Variants in CADPS2 observed in about 807,000 individuals in gnomAD.
The protein encoded by CADPS2 is calcium-dependent secretion activator 2.
A neutral mutation model predicts 172.5 loss-of-function variants in CADPS2; 93 were observed. That is an observed-to-expected ratio of 0.54 (90% CI 0.46 to 0.64). CADPS2 has a LOEUF of 0.64. CADPS2 is among the 30% of genes least tolerant of loss of function. The pLI, the probability that CADPS2 is intolerant of heterozygous loss-of-function variation, is 0.00. For missense variants in CADPS2, 1,420 were observed against 1,565.9 expected (o/e 0.91, Z 1.57); for synonymous variants, 546 against 555.2 (o/e 0.98, Z 0.23).
chr7:122,537,894 GA>G (rs1414968126), intron 8 of CADPS2, among the ~76,000 whole-genome samples: 2 of 151,404 alleles, frequency 1.3e-5, no homozygotes, highest in Non-Finnish European at 3.0e-5. Flanking sequence ...AAAAACGCAA[GA>G]GAAGATTTTA....
intron 19 of CADPS2, chr7:122,413,113 T>G (rs1251592372): frequency 6.6e-6 from 1 of 152,422 alleles, no homozygotes; most frequent in Non-Finnish European, 1.5e-5. Context: ...GGGTCTGTTT[T>G]CTTATCAGCA....
In CADPS2 at chr7:122,434,342, A is replaced by G. The variant is rs1481068397; in HGVS notation, c.2476+3999T>C. Among the ~76,000 whole-genome samples, 5 of 151,068 alleles carry G rather than the reference A, an allele frequency of 3.3e-5. No individual in the cohort carries two copies. In the East Asian group the frequency reaches 5.8e-4, roughly 18 times the overall value. On this transcript the variant is annotated intron_variant, in intron 17 of 29. Coordinates refer to ENST00000449022, the MANE Select transcript of CADPS2 (RefSeq NM_017954.11). ...GTCAAATATTGAAAAAGGTAGGGGA[A>G]AAAAAAAAGAAAGAAATAGAGCCCT...
At chr7:122,572,692 T>C (rs993416098) in intron 7 of CADPS2, among the ~76,000 whole-genome samples, 2 of 152,134 alleles carry the variant, frequency 1.3e-5, no homozygotes, top group African/African-American at 2.4e-5. Flanking sequence ...GATTTTTATA[T>C]GGCTATGTTA....
chr7:122,663,719 G>C, intron 2 of CADPS2, 150 bp from the exon 3 acceptor site: 1 of 660,828 alleles, frequency 1.5e-6, no homozygotes, highest in Non-Finnish European at 2.5e-6. Context: ...ATAATACATG[G>C]TAACTAATGT....
At chr7:122,366,615 A>G (rs1364110958) in intron 25 of CADPS2, among the ~76,000 whole-genome samples, 1 of 47,708 alleles carries the variant, frequency 2.1e-5, no homozygotes, top group East Asian at 9.0e-4. Context: ...AAAAATACAC[A>G]CACACACACA....
chr7:122,341,744 G>T (rs2150944780), intron 28 of CADPS2, among the ~76,000 whole-genome samples: 1 of 152,258 alleles, frequency 6.6e-6, no homozygotes, highest in Non-Finnish European at 1.5e-5. Context: ...GATAAAATGG[G>T]ATTGACGGGA....
At chr7:122,557,157 C>T (rs897924265) in intron 7 of CADPS2, among the ~76,000 whole-genome samples, 2 of 152,110 alleles carry the variant, frequency 1.3e-5, no homozygotes, top group Non-Finnish European at 2.9e-5. Flanking sequence ...AAATGCTGAA[C>T]TTAAACTTCA....
intron 27 of CADPS2, among the ~76,000 whole-genome samples, chr7:122,351,464 C>T (rs1008660340): frequency 3.5e-5 from 5 of 142,380 alleles, no homozygotes; most frequent in South Asian, 4.4e-4. Flanking sequence ...TTAAATTTAG[C>T]GGTATTCAAA....
intron 1 of CADPS2, among the ~76,000 whole-genome samples, chr7:122,869,695 G>A (rs1819249692): frequency 6.6e-6 from 1 of 152,064 alleles, no homozygotes; most frequent in South Asian, 2.1e-4. Flanking sequence ...ATACTGTAAT[G>A]GAGTTGTGAA....
chr7:122,621,453 G>A (rs1563879588), intron 5 of CADPS2, 28 bp downstream of exon 5: 15 of 1,393,048 alleles, frequency 1.1e-5, no homozygotes, highest in African/African-American at 2.9e-5. Context: ...TATGCTGTCA[G>A]AGGTGAGCAT....
chr7:122,361,245 TTA>T lies in CADPS2; in HGVS notation c.3388-234_3388-233del, dbSNP rs1491262064. Among the ~76,000 whole-genome samples, 86 of 139,678 alleles carry T rather than the reference TTA, an allele frequency of 6.2e-4. 2 individuals are homozygous for T. Among genetic ancestry groups the T allele is most frequent in the African/African-American group, 1.9e-3 (66 of 34,874 alleles). 91.6% of individuals were successfully genotyped at this position (139,678 alleles called of 152,430 possible). A position where few individuals can be genotyped will look rare whatever the true frequency, so the allele number is the denominator to read the frequency against. On this transcript the variant is annotated intron_variant, in intron 25 of 29. Transcript: ENST00000449022. ...TACACTTTTTTTTTTTTTTTTTTTT[TTA>T]AAATGAGATGGAGGCTTGCTCTGTC...
chr7:122,389,338 A>G lies in CADPS2; in HGVS notation c.3009-600T>C, dbSNP rs145181115. ...ATTAAAACCCAACTTAGTGCAAGGT[A>G]TTGTCTGACAGAGAAATGACATTCA... is the stretch of plus-strand genomic sequence containing the variant. On this transcript the variant is annotated intron_variant, in intron 22 of 29. Coordinates refer to ENST00000449022, the MANE Select transcript of CADPS2 (RefSeq NM_017954.11). 9.5e-4 allele frequency among the ~76,000 whole-genome samples: 145 copies of G among 152,118 alleles called. 2 individuals carry two copies. In the East Asian group the frequency reaches 0.022, roughly 23 times the overall value.
At chr7:122,342,271 A>C (rs2036899574) in intron 28 of CADPS2, among the ~76,000 whole-genome samples, 1 of 152,162 alleles carries the variant, frequency 6.6e-6, no homozygotes. Flanking sequence ...TGTACACTGA[A>C]AACTCTTGAA....
intron 8 of CADPS2, among the ~76,000 whole-genome samples, chr7:122,553,670 G>A (rs985656833): frequency 6.6e-6 from 1 of 151,940 alleles, no homozygotes; most frequent in Non-Finnish European, 1.5e-5. Context: ...TCATCAGTTC[G>A]CTCCACCCTG....
At chr7:122,729,685 T>G (rs1419444161) in intron 2 of CADPS2, among the ~76,000 whole-genome samples, 7 of 149,392 alleles carry the variant, frequency 4.7e-5, no homozygotes, top group Non-Finnish European at 1.0e-4. Flanking sequence ...GGTTTTTTTT[T>G]TTTTTTTTTT....
In CADPS2 at chr7:122,689,878, C is replaced by T. The variant is rs2084108232; in HGVS notation, c.454-26309G>A. Among the ~76,000 whole-genome samples the T allele has an allele frequency of 2.0e-5, 3 of 152,206 alleles. 1 individual carries two copies. The highest frequency in any genetic ancestry group is 4.4e-5 in the Non-Finnish European group (3 of 68,040). ...CACCACGTGTTCTCCCATTAGACAG[C>T]TCCATCCATCATGGACGCTAGAGTC... On this transcript the variant is annotated intron_variant, in intron 2 of 29. Transcript: ENST00000449022.
chr7:122,453,022 A>C (rs1051693337), intron 14 of CADPS2, among the ~76,000 whole-genome samples: 5 of 152,170 alleles, frequency 3.3e-5, no homozygotes, highest in African/African-American at 9.7e-5. Context: ...TTTAAGTATG[A>C]GATTTTTTTT....
intron 25 of CADPS2, among the ~76,000 whole-genome samples, chr7:122,373,511 C>T (rs950606688): frequency 2.0e-5 from 3 of 152,130 alleles, no homozygotes; most frequent in Admixed American, 2.0e-4. Flanking sequence ...TGGTATCACG[C>T]CTGCCCAAAG....
intron 24 of CADPS2, among the ~76,000 whole-genome samples, chr7:122,384,407 T>A (rs1041862268): frequency 2.0e-5 from 3 of 152,108 alleles, no homozygotes; most frequent in East Asian, 3.9e-4. Context: ...TTTACATGGT[T>A]CCAAATTGTC....
Sources: gnomAD v4.1 joint callset for allele counts (sites outside exome capture counted in the v4.1 genomes callset) on GRCh38, gnomAD v4.1.1 for gene constraint, MANE v1.5 for transcripts, NCBI Gene and HGNC (gene_info 2026-07-23, HGNC 2026-07-21) for gene names.